The following NRG3 variants were observed in gnomAD, a reference collection of about 807,000 sequenced individuals.
NRG3 encodes the protein neuregulin 3.
Under a neutral mutation model 66.9 loss-of-function variants are expected in NRG3, and 31 were observed. That is an observed-to-expected ratio of 0.46 (90% CI 0.35 to 0.63). The LOEUF (loss-of-function observed/expected upper bound fraction) is 0.63, where lower values mean the gene tolerates loss of function less well. NRG3 is among the 20% of genes least tolerant of loss of function. The probability of loss-of-function intolerance (pLI) is 0.00; values close to 1 mark genes in which losing one functional copy is unlikely to be tolerated. For missense variants in NRG3, 910 were observed against 878.9 expected, an observed-to-expected ratio of 1.04 and a Z score of -0.45; for synonymous variants, 393 against 359.4, an observed-to-expected ratio of 1.09 and a Z score of -1.06.
intron 3 of NRG3, among the ~76,000 whole-genome samples, chr10:82,833,596 CGACCTT>C (rs1244393854): frequency 1.3e-5 from 2 of 152,110 alleles, no homozygotes; most frequent in Admixed American, 1.3e-4. Context: ...CATCTGCAGC[CGACCTT>C]CCAATACCGA....
chr10:82,079,528 T>G (rs2065274760), intron 1 of NRG3, among the ~76,000 whole-genome samples: 1 of 152,206 alleles, frequency 6.6e-6, no homozygotes, highest in African/African-American at 2.4e-5. Flanking sequence ...CTCTAGATTT[T>G]GTATATTCTG....
chr10:82,251,271 T>G (rs1013730977), intron 1 of NRG3, among the ~76,000 whole-genome samples: 1 of 152,148 alleles, frequency 6.6e-6, no homozygotes, highest in Non-Finnish European at 1.5e-5. Flanking sequence ...ATTAGAGGGA[T>G]GACCCCAAGC....
At chr10:82,383,426 T>TA (rs1255482544) in intron 2 of NRG3, among the ~76,000 whole-genome samples, 10 of 119,046 alleles carry the variant, frequency 8.4e-5, no homozygotes, top group Middle Eastern at 3.8e-3. Context: ...TTTTCCTTTT[T>TA]TAAAAAAAAC....
chr10:82,476,618 C>T (rs540543936), intron 2 of NRG3, among the ~76,000 whole-genome samples: 1 of 152,286 alleles, frequency 6.6e-6, no homozygotes, highest in South Asian at 2.1e-4. Context: ...AGGTCAAATA[C>T]TGAATGGCTC....
rs115233763 is a variant in NRG3 at position 82,122,118 on chromosome 10, G to A, written c.824-236621G>A. Among the ~76,000 whole-genome samples the A allele has an allele frequency of 8.5e-3, 1,301 of 152,234 alleles. 14 individuals carry two copies. Among genetic ancestry groups the A allele is most frequent in the African/African-American group, 0.03 (1,226 of 41,550 alleles). ...AGCACTGACTCTTGAGTTGCTGTGA[G>A]GATTATATGAATTCACACACGTATT... On this transcript the variant is annotated intron_variant, in intron 1 of 8. Transcript: ENST00000372141.
chr10:81,908,902 G>T (rs539106327), intron 1 of NRG3, among the ~76,000 whole-genome samples: 3 of 152,156 alleles, frequency 2.0e-5, no homozygotes, highest in Non-Finnish European at 4.4e-5. Flanking sequence ...AGGTGGTGGT[G>T]ATGGTGTTGA....
intron 1 of NRG3, among the ~76,000 whole-genome samples, chr10:82,074,920 C>G (rs2065007792): frequency 6.6e-6 from 1 of 152,266 alleles, no homozygotes; most frequent in East Asian, 1.9e-4. Flanking sequence ...TCAAACCTGT[C>G]TTTTGCCAGC....
chr10:82,391,066 T>G (rs2086333158), intron 2 of NRG3, among the ~76,000 whole-genome samples: 1 of 152,184 alleles, frequency 6.6e-6, no homozygotes, highest in Non-Finnish European at 1.5e-5. Context: ...TTTTTTAGCT[T>G]TTGGCTCAAG....
At chr10:82,599,297 C>T (rs1427427133) in intron 2 of NRG3, among the ~76,000 whole-genome samples, 4 of 152,052 alleles carry the variant, frequency 2.6e-5, no homozygotes, top group Non-Finnish European at 5.9e-5. Flanking sequence ...GAGATAAATG[C>T]AAGTTGGTGG....
intron 2 of NRG3, among the ~76,000 whole-genome samples, chr10:82,584,678 G>T (rs1415687673): frequency 6.6e-6 from 1 of 152,064 alleles, no homozygotes; most frequent in East Asian, 1.9e-4. Context: ...CTGCTTAAGT[G>T]ATCTCCTATC....
intron 3 of NRG3, among the ~76,000 whole-genome samples, chr10:82,764,439 T>C (rs1051431452): frequency 2.0e-5 from 3 of 150,798 alleles, no homozygotes; most frequent in Non-Finnish European, 2.9e-5. Flanking sequence ...TGGTGCAATC[T>C]CGGCTCACTG....
At chr10:82,160,771 T>A (rs1024931309) in intron 1 of NRG3, among the ~76,000 whole-genome samples, 2 of 152,044 alleles carry the variant, frequency 1.3e-5, no homozygotes, top group African/African-American at 4.8e-5. Context: ...CAGTTAGTTC[T>A]TGCTCAGTAA....
At chr10:82,295,616 T>C (rs1380008851) in intron 1 of NRG3, among the ~76,000 whole-genome samples, 1 of 152,150 alleles carries the variant, frequency 6.6e-6, no homozygotes, top group Non-Finnish European at 1.5e-5. Context: ...ATAGGAAAAA[T>C]AAAGAAAATT....
intron 1 of NRG3, among the ~76,000 whole-genome samples, chr10:82,261,013 T>C (rs2077997937): frequency 6.6e-6 from 1 of 152,134 alleles, no homozygotes; most frequent in Non-Finnish European, 1.5e-5. Context: ...TACCATCCCC[T>C]TGGTGATGAG....
intron 1 of NRG3, among the ~76,000 whole-genome samples, chr10:82,142,922 G>GTTTTT (rs11286244): frequency 8.4e-6 from 1 of 118,968 alleles, no homozygotes; most frequent in Non-Finnish European, 1.8e-5. Context: ...ACCTGGCTAA[G>GTTTTT]TTTTTTTTTT....
At chr10:82,193,295 A>G (rs2133376161) in intron 1 of NRG3, among the ~76,000 whole-genome samples, 2 of 152,250 alleles carry the variant, frequency 1.3e-5, no homozygotes, top group Middle Eastern at 6.8e-3. Flanking sequence ...GGTGTGTGCC[A>G]CCATGCCCGG....
chr10:82,697,691 G>GT (rs1384732192), intron 2 of NRG3, among the ~76,000 whole-genome samples: 2 of 152,166 alleles, frequency 1.3e-5, no homozygotes, highest in Admixed American at 1.3e-4. Flanking sequence ...CGTGACTTTA[G>GT]TAAGTCTTAA....
chr10:82,967,593 T>A lies in NRG3; in HGVS notation c.1285-6195T>A, dbSNP rs183991871. ...TGAACACTTGTGACCTTCAGAAGTG[T>A]TTCTTCACTTTTTTTCCTCTCTTAC... On this transcript the variant is annotated intron_variant, in intron 6 of 8. Coordinates refer to ENST00000372141, the MANE Select transcript of NRG3 (RefSeq NM_001010848.4). Among the ~76,000 whole-genome samples the A allele has an allele frequency of 1.0e-3, 152 of 152,292 alleles. 4 individuals are homozygous for A. Among genetic ancestry groups the A allele is most frequent in the Admixed American group, 9.9e-3 (152 of 15,294 alleles).
chr10:82,076,243 A>C (rs1006789536), intron 1 of NRG3, among the ~76,000 whole-genome samples: 2 of 152,158 alleles, frequency 1.3e-5, no homozygotes, highest in Non-Finnish European at 2.9e-5. Context: ...TGATGCTCAA[A>C]CATAAACTGT....
Sources: gnomAD v4.1 joint callset for allele counts (sites outside exome capture counted in the v4.1 genomes callset) on GRCh38, gnomAD v4.1.1 for gene constraint, MANE v1.5 for transcripts, NCBI Gene and HGNC (gene_info 2026-07-23, HGNC 2026-07-21) for gene names.